CDH4: variants seen among roughly 807,000 people sequenced by gnomAD.
CDH4 encodes the protein cadherin 4.
Under a neutral mutation model 86.0 loss-of-function variants are expected in CDH4, and 33 were observed. That is an observed-to-expected ratio of 0.38 (90% CI 0.29 to 0.51). The LOEUF is 0.51. Ranked by LOEUF, CDH4 falls within the 20% of genes least tolerant of loss-of-function variation. CDH4 has a pLI of 0.86. For synonymous variants in CDH4, 555 were observed against 549.4 expected (o/e 1.01, Z -0.14); for missense variants, 1,114 against 1,307.4 (o/e 0.85, Z 2.28).
At chr20:61,351,029 G>C (rs1301219350) in intron 2 of CDH4, among the ~76,000 whole-genome samples, 2 of 152,100 alleles carry the variant, frequency 1.3e-5, no homozygotes, top group East Asian at 3.9e-4. Context: ...TGGTGCTGGG[G>C]TGGCAGCTGT....
chr20:61,514,235 A>G (rs1056298040), intron 2 of CDH4, among the ~76,000 whole-genome samples: 4 of 151,956 alleles, frequency 2.6e-5, no homozygotes, highest in African/African-American at 9.7e-5. Context: ...GCTGCTGGGT[A>G]TGACTTTCTT....
At position 61,841,251 on chromosome 20, in the gene CDH4, C is replaced by T. The variant is rs188887337; in HGVS notation, c.577-3417C>T. Among the ~76,000 whole-genome samples, 20 of 152,328 alleles carry T rather than the reference C, an allele frequency of 1.3e-4. 1 individual carries two copies. In the East Asian group the frequency reaches 3.7e-3, roughly 28 times the overall value. Reference sequence around the variant, plus strand: ...AGCAGCGTCCATACTCATCAGGCCTCGGAGAAGCGCAGCGCTCCCGGACGG... The same window carrying T: ...AGCAGCGTCCATACTCATCAGGCCTTGGAGAAGCGCAGCGCTCCCGGACGG... On this transcript the variant is annotated intron_variant, in intron 4 of 15. Coordinates refer to ENST00000614565, the MANE Select transcript of CDH4 (RefSeq NM_001794.5).
intron 2 of CDH4, among the ~76,000 whole-genome samples, chr20:61,587,406 G>A (rs2086486501): frequency 6.6e-6 from 1 of 152,210 alleles, no homozygotes; most frequent in South Asian, 2.1e-4. Context: ...CAGGGGCACA[G>A]CCTGCTGGAT....
intron 2 of CDH4, among the ~76,000 whole-genome samples, chr20:61,519,574 G>A (rs1332105387): frequency 6.6e-6 from 1 of 152,222 alleles, no homozygotes; most frequent in East Asian, 1.9e-4. Context: ...TCCCCAAGGA[G>A]GCTCCCTGGT....
At chr20:61,657,699 A>G (rs968653916) in intron 2 of CDH4, among the ~76,000 whole-genome samples, 2 of 152,170 alleles carry the variant, frequency 1.3e-5, no homozygotes, top group Non-Finnish European at 2.9e-5. Flanking sequence ...TGCTGAAGGG[A>G]CGTCGATCAA....
chr20:61,836,171 G>A lies in CDH4; in HGVS notation c.577-8497G>A, dbSNP rs375578651. Among the ~76,000 whole-genome samples, 14 of 152,352 alleles carry A rather than the reference G, an allele frequency of 9.2e-5. No individual in the cohort carries two copies. In the East Asian group the frequency reaches 1.5e-3, roughly 17 times the overall value. ...GGCCTGCCCATCGGCTACGGGGAGG[G>A]TGAGGCACGTCGGTTGTATTCCCAG... On this transcript the variant is annotated intron_variant, in intron 4 of 15. Transcript: ENST00000614565.
intron 13 of CDH4, among the ~76,000 whole-genome samples, chr20:61,932,679 G>A (rs1415393753): frequency 2.0e-5 from 3 of 152,274 alleles, no homozygotes; most frequent in African/African-American, 7.2e-5. Context: ...ACAGACGCAT[G>A]AAGCACCTAC....
rs1287821912 is a variant in CDH4, at chr20:61,547,221, TTTG to T, written c.170-196341_170-196339del. The stretch of plus-strand genomic sequence containing the variant: ...CTCTTTTTTTTTTTTTTTTTTTTTT[TTTG>T]CCCCCTGAGACGGAGTCTCACTCTG... On this transcript the variant is annotated intron_variant, in intron 2 of 15. Coordinates refer to ENST00000614565, the MANE Select transcript of CDH4 (RefSeq NM_001794.5). Among the ~76,000 whole-genome samples, 57 of 99,660 alleles carry T rather than the reference TTTG, an allele frequency of 5.7e-4. 1 individual carries two copies. The highest frequency in any genetic ancestry group is 1.3e-3 in the South Asian group (3 of 2,374). 65.4% of individuals were successfully genotyped at this position (99,660 alleles called of 152,430 possible).
chr20:61,272,967 C>A (rs2084192213), intron 2 of CDH4, among the ~76,000 whole-genome samples: 1 of 83,410 alleles, frequency 1.2e-5, no homozygotes, highest in East Asian at 3.9e-4. Flanking sequence ...GGGGGAGTAC[C>A]ATGTGCAGTT....
rs551470278 is a variant in CDH4 at position 61,551,585 on chromosome 20, G to T, written c.170-191978G>T. Among the ~76,000 whole-genome samples the T allele has an allele frequency of 3.9e-5, 6 of 152,304 alleles. No individual in the cohort carries two copies. The East Asian group carries it at 1.2e-3, about 29-fold the overall frequency. On this transcript the variant is annotated intron_variant, in intron 2 of 15. Coordinates refer to ENST00000614565, the MANE Select transcript of CDH4 (RefSeq NM_001794.5). The stretch of plus-strand genomic sequence containing the variant: ...GGGAACTTCCTATGCAGGGAACCAC[G>T]TGACTTCCCCCACCTAACCTTATGC...
At chr20:61,736,302 G>T (rs1382013927) in intron 2 of CDH4, among the ~76,000 whole-genome samples, 1 of 152,120 alleles carries the variant, frequency 6.6e-6, no homozygotes, top group Admixed American at 6.5e-5. Flanking sequence ...CAGGACCTTT[G>T]CAAGTGCCAT....
chr20:61,621,277 C>T (rs1030605117), intron 2 of CDH4, among the ~76,000 whole-genome samples: 7 of 152,184 alleles, frequency 4.6e-5, no homozygotes, highest in South Asian at 2.1e-4. Context: ...CTTCCTAGAA[C>T]GCGCTGTCAA....
At chr20:61,833,104 G>A (rs1281991482) in intron 4 of CDH4, among the ~76,000 whole-genome samples, 1 of 151,962 alleles carries the variant, frequency 6.6e-6, no homozygotes, top group African/African-American at 2.4e-5. Context: ...CAGCCCCCAT[G>A]AGTGAGTGAA....
chr20:61,267,483 TCC>T (rs1204623226), intron 2 of CDH4, among the ~76,000 whole-genome samples: 1 of 152,142 alleles, frequency 6.6e-6, no homozygotes, highest in Non-Finnish European at 1.5e-5. Context: ...GGTGTTTCCA[TCC>T]CACCAGAAAG....
At chr20:61,654,780 G>T (rs932213962) in intron 2 of CDH4, among the ~76,000 whole-genome samples, 1 of 152,238 alleles carries the variant, frequency 6.6e-6, no homozygotes, top group Non-Finnish European at 1.5e-5. Context: ...AGCGCCAGTG[G>T]CCGTTAAACC....
chr20:61,851,813 G>A (rs1006007186), intron 5 of CDH4, among the ~76,000 whole-genome samples: 1 of 152,060 alleles, frequency 6.6e-6, no homozygotes, highest in African/African-American at 2.4e-5. Context: ...CTCCCTGGCG[G>A]CCACCACACC....
chr20:61,483,111 G>A (rs2085576979), intron 2 of CDH4, among the ~76,000 whole-genome samples: 1 of 152,336 alleles, frequency 6.6e-6, no homozygotes, highest in South Asian at 2.1e-4. Flanking sequence ...TCCCCCTGGA[G>A]CTGCTGAGCC....
rs537863673 is a variant in CDH4 at position 61,904,245 on chromosome 20, G to A, written c.1189-6177G>A. Among the ~76,000 whole-genome samples the A allele has an allele frequency of 1.1e-4, 17 of 152,314 alleles. No individual in the cohort carries two copies. The South Asian group carries it at 1.4e-3, about 13-fold the overall frequency. ...GCAACTCACTGGAAGGGGCGCAGGC[G>A]TGCCAGGGGCTGCGGCTCTCTCGTG... On this transcript the variant is annotated intron_variant, in intron 8 of 15. Coordinates refer to ENST00000614565, the MANE Select transcript of CDH4 (RefSeq NM_001794.5).
At position 61,933,061 on chromosome 20, in the gene CDH4, C is replaced by G. The variant is rs769948464; in HGVS notation, c.2316C>G (p.Pro772=). 22 of 1,613,134 alleles carry G rather than the reference C, an allele frequency of 1.4e-5. No individual in the cohort carries two copies. Among genetic ancestry groups the G allele is most frequent in the Non-Finnish European group, 1.9e-5 (22 of 1,180,030 alleles). Residue 772 remains proline (P), a synonymous_variant, in exon 14 of 16, where the codon CCC becomes CCG. Transcript: ENST00000614565. ...ERHTKQLLID[P]EDDVRDNILK... ...ACACGAAGCAGCTGCTCATTGACCC[C>G]GAGGACGACGTCCGCGACAACATCC...
Sources: gnomAD v4.1 joint callset for allele counts (sites outside exome capture counted in the v4.1 genomes callset) on GRCh38, gnomAD v4.1.1 for gene constraint, MANE v1.5 for transcripts, NCBI Gene and HGNC (gene_info 2026-07-23, HGNC 2026-07-21) for gene names.